ADCY8: variants seen among roughly 807,000 people sequenced by gnomAD.
ADCY8 encodes adenylate cyclase 8, also known as adenylate cyclase type 8.
A neutral mutation model predicts 119.7 loss-of-function variants in ADCY8; 51 were observed. That is an observed-to-expected ratio of 0.43 (90% CI 0.34 to 0.54). The LOEUF (loss-of-function observed/expected upper bound fraction) is 0.54. ADCY8 is among the 20% of genes least tolerant of loss of function. The probability of loss-of-function intolerance (pLI) is 0.03; values close to 1 mark genes in which losing one functional copy is unlikely to be tolerated. For synonymous variants in ADCY8, 665 were observed against 651.0 expected (o/e 1.02, Z -0.33); for missense variants, 1,383 against 1,598.8 (o/e 0.87, Z 2.30).
At chr8:131,032,139 G>A (rs884423) in intron 1 of ADCY8, among the ~76,000 whole-genome samples, 117,314 of 152,128 alleles carry the variant, frequency 0.77, 46,171 homozygotes, top group African/African-American at 0.93. Context: ...CACTGTAGAT[G>A]GAAACGGCAG....
At chr8:130,819,360 AC>A (rs1816440161) in intron 13 of ADCY8, among the ~76,000 whole-genome samples, 1 of 152,212 alleles carries the variant, frequency 6.6e-6, no homozygotes, top group Non-Finnish European at 1.5e-5. Context: ...ACATACCCGT[AC>A]TTTACCTATA....
chr8:130,855,282 C>T (rs903555423), intron 9 of ADCY8, among the ~76,000 whole-genome samples: 1 of 151,986 alleles, frequency 6.6e-6, no homozygotes, highest in African/African-American at 2.4e-5. Context: ...CAAACAGAAA[C>T]AAAATGAGTT....
intron 2 of ADCY8, among the ~76,000 whole-genome samples, chr8:130,961,943 C>T (rs1821618773): frequency 6.6e-6 from 1 of 152,124 alleles, no homozygotes; most frequent in African/African-American, 2.4e-5. Context: ...CCACCGTACT[C>T]CAGCCTGGGC....
chr8:130,793,649 G>T (rs1203855086), intron 15 of ADCY8, among the ~76,000 whole-genome samples: 1 of 152,166 alleles, frequency 6.6e-6, no homozygotes. Context: ...CTGGCTTTCA[G>T]TGTCACTCTT....
intron 2 of ADCY8, among the ~76,000 whole-genome samples, chr8:130,969,743 G>A (rs1222348515): frequency 6.6e-6 from 1 of 152,154 alleles, no homozygotes; most frequent in East Asian, 1.9e-4. Flanking sequence ...TCTTATGTAT[G>A]TAATGATGTG....
intron 12 of ADCY8, among the ~76,000 whole-genome samples, chr8:130,822,964 C>T (rs1816565725): frequency 6.6e-6 from 1 of 152,200 alleles, no homozygotes; most frequent in Admixed American, 6.5e-5. Flanking sequence ...TCATCTTGCT[C>T]ATGGTGGTGG....
Position 130,798,071 on chromosome 8 carries a change from T to G in ADCY8, c.3060+2355A>C, listed in dbSNP as rs536895716. Reference sequence around the variant, plus strand: ...AGGCTAATAATTCCTAGCCTAAGGGTTTGTATGAGAGATAAATAACTATTA... The same window carrying G: ...AGGCTAATAATTCCTAGCCTAAGGGGTTGTATGAGAGATAAATAACTATTA... On this transcript the variant is annotated intron_variant, in intron 15 of 17. Transcript: ENST00000286355. 3.3e-5 allele frequency among the ~76,000 whole-genome samples: 5 copies of G among 152,240 alleles called. 1 individual carries two copies. The South Asian group carries it at 1.0e-3, about 32-fold the overall frequency.
chr8:131,011,957 T>G (rs769733685), intron 1 of ADCY8, among the ~76,000 whole-genome samples: 4 of 152,140 alleles, frequency 2.6e-5, no homozygotes, highest in African/African-American at 7.2e-5. Context: ...GCTGTGTCCC[T>G]GATAGGTAGA....
chr8:130,814,775 A>T (rs986480882), intron 13 of ADCY8, among the ~76,000 whole-genome samples: 6 of 152,146 alleles, frequency 3.9e-5, no homozygotes, highest in Non-Finnish European at 5.9e-5. Context: ...AGTATGGGGG[A>T]AACTGCCCCC....
chr8:130,839,840 T>G (rs560158323), intron 11 of ADCY8, among the ~76,000 whole-genome samples: 1 of 140,386 alleles, frequency 7.1e-6, no homozygotes. Context: ...TACTTTATTC[T>G]GCAGTCCGTA....
At chr8:130,936,252 G>A (rs1820783688) in intron 5 of ADCY8, among the ~76,000 whole-genome samples, 1 of 152,102 alleles carries the variant, frequency 6.6e-6, no homozygotes, top group Non-Finnish European at 1.5e-5. Flanking sequence ...ACACAGCCTA[G>A]TTCCAGAGTC....
chr8:130,958,976 C>A lies in ADCY8; in HGVS notation c.1111-6978G>T, dbSNP rs146547537. 5.3e-5 allele frequency among the ~76,000 whole-genome samples: 8 copies of A among 152,172 alleles called. No homozygotes were observed. The South Asian group carries it at 8.3e-4, about 16-fold the overall frequency. ...AATAATCCCAGCACCTAGAATAACA[C>A]CTGGTTTATATAGGGCCTCAATATA... On this transcript the variant is annotated intron_variant, in intron 2 of 17. Transcript: ENST00000286355.
chr8:131,039,375 T>A lies in ADCY8; in HGVS notation c.959A>T (p.Gln320Leu). ...AAATGCAAGGCAGGCAGGAGTTACCTGGTTGATGGAAATGACCGCCAGCCG... is the reference window on the plus strand; with the variant it reads ...AAATGCAAGGCAGGCAGGAGTTACCAGGTTGATGGAAATGACCGCCAGCCG... ...IPRLAVISIN[Q>L]VVAQAVLFMC... Residue 320 changes from glutamine to leucine, a missense_variant and splice_region_variant, in exon 1 of 18, where the codon CAG (glutamine) becomes CTG (leucine). Gln to Leu is a moderately radical substitution (Grantham distance 113, BLOSUM62 -2). This residue lies in a region of ADCY8 where 455 missense variants were observed against 435.3 expected (regional missense o/e 1.05). Coordinates refer to ENST00000286355, the MANE Select transcript of ADCY8 (RefSeq NM_001115.3). The A allele has an allele frequency of 6.2e-7, 1 of 1,611,970 alleles. No homozygotes were observed. The highest frequency in any genetic ancestry group is 1.7e-5 in the Admixed American group (1 of 59,986).
At chr8:130,831,168 A>G (rs766486050) in intron 12 of ADCY8, among the ~76,000 whole-genome samples, 1 of 152,238 alleles carries the variant, frequency 6.6e-6, no homozygotes, top group Non-Finnish European at 1.5e-5. Context: ...AGGGTTGTGA[A>G]TGATAGTTGG....
chr8:130,975,064 C>T (rs772499535), intron 2 of ADCY8, among the ~76,000 whole-genome samples: 1 of 152,150 alleles, frequency 6.6e-6, no homozygotes, highest in Non-Finnish European at 1.5e-5. Context: ...TTCGATCTAT[C>T]AAGAGAGAAT....
At chr8:130,902,843 C>A (rs1344873445) in intron 7 of ADCY8, among the ~76,000 whole-genome samples, 1 of 151,958 alleles carries the variant, frequency 6.6e-6, no homozygotes, top group Non-Finnish European at 1.5e-5. Flanking sequence ...TGTCAGATAA[C>A]TGTCAGATAA....
At position 130,909,695 on chromosome 8, in the gene ADCY8, T is replaced by C. The variant is rs1819914549; in HGVS notation, c.1640+13A>G. 1 of 1,613,922 alleles carries C rather than the reference T, an allele frequency of 6.2e-7. No individual in the cohort carries two copies. Among genetic ancestry groups the C allele is most frequent in the Non-Finnish European group, 8.5e-7 (1 of 1,179,944 alleles). On this transcript the variant is annotated intron_variant, in intron 6 of 17. Transcript: ENST00000286355. ...CAACCGTTAAGCATGAAAAGGGCTT[T>C]GCTTTATCTTACCCAGGGATTCCTC...
intron 1 of ADCY8, among the ~76,000 whole-genome samples, chr8:131,012,663 G>C (rs1393041831): frequency 6.6e-6 from 1 of 152,202 alleles, no homozygotes; most frequent in Non-Finnish European, 1.5e-5. Flanking sequence ...CTCAGCTAAA[G>C]AGGGTCTTCT....
chr8:130,933,468 A>G (rs1356713391), intron 5 of ADCY8, among the ~76,000 whole-genome samples: 1 of 152,222 alleles, frequency 6.6e-6, no homozygotes, highest in Non-Finnish European at 1.5e-5. Context: ...AAGACTGGAA[A>G]CTATAGAAGT....
Sources: gnomAD v4.1 joint callset for allele counts (sites outside exome capture counted in the v4.1 genomes callset) on GRCh38, gnomAD v4.1.1 for gene constraint, gnomAD v4.1.1 regional missense constraint, MANE v1.5 for transcripts, NCBI Gene and HGNC (gene_info 2026-07-23, HGNC 2026-07-21) for gene names.